STK32A: variants seen among roughly 807,000 people sequenced by gnomAD.
The protein encoded by STK32A is serine/threonine-protein kinase 32A.
A neutral mutation model predicts 53.2 loss-of-function variants in STK32A; 41 were observed. That is an observed-to-expected ratio of 0.77 (90% CI 0.60 to 1.00). The LOEUF (loss-of-function observed/expected upper bound fraction) is 1.00, where lower values mean the gene tolerates loss of function less well. Ranked by LOEUF, STK32A falls within the 50% of genes least tolerant of loss-of-function variation. The pLI is 0.00. For missense variants in STK32A, 458 were observed against 485.8 expected (o/e 0.94, Z 0.54); for synonymous variants, 166 against 162.8 (o/e 1.02, Z -0.15).
chr5:147,394,157 A>C, the STK32A span: 1 of 1,609,352 alleles, frequency 6.2e-7, no homozygotes, highest in Non-Finnish European at 8.5e-7. Context: ...GGGGGAAAAA[A>C]AAAACAGAGT....
intron 2 of STK32A, among the ~76,000 whole-genome samples, chr5:147,246,071 C>T (rs1753758540): frequency 6.6e-6 from 1 of 152,204 alleles, no homozygotes; most frequent in Non-Finnish European, 1.5e-5. Context: ...TTCCGACTTT[C>T]CCTTAGCAGC....
chr5:147,268,438 T>A lies in STK32A; in HGVS notation c.53-9686T>A, dbSNP rs74328345. Among the ~76,000 whole-genome samples the A allele has an allele frequency of 9.2e-4, 139 of 151,768 alleles. 3 individuals are homozygous for A. In the East Asian group the frequency reaches 0.024, roughly 27 times the overall value. Reference sequence around the variant, plus strand: ...AGCACTGCTTATATCACTTGGAACTTGAATCTATTTTGGTAAAAAAAAAGT... The same window carrying A: ...AGCACTGCTTATATCACTTGGAACTAGAATCTATTTTGGTAAAAAAAAAGT... On this transcript the variant is annotated intron_variant, in intron 2 of 12. Coordinates refer to ENST00000397936, the MANE Select transcript of STK32A (RefSeq NM_001112724.2).
At position 147,279,242 on chromosome 5, in the gene STK32A, A is replaced by T; in HGVS notation, c.109-5A>T. The T allele has an allele frequency of 6.2e-7, 1 of 1,607,662 alleles. No individual in the cohort carries two copies. Among genetic ancestry groups the T allele is most frequent in the Non-Finnish European group, 8.5e-7 (1 of 1,175,434 alleles). On this transcript the variant is annotated splice_region_variant and splice_polypyrimidine_tract_variant and intron_variant, in intron 3 of 12. Coordinates refer to ENST00000397936, the MANE Select transcript of STK32A (RefSeq NM_001112724.2). ...TCACTCTCTCACTCGGGTTTTCACC[A>T]TTAGGTCTGCATTGTACAGAAGAAT... is the stretch of plus-strand genomic sequence containing the variant.
Position 147,243,181 on chromosome 5 carries a change from A to G in STK32A, c.52+3495A>G. On this transcript the variant is annotated intron_variant, in intron 2 of 12. Coordinates refer to ENST00000397936, the MANE Select transcript of STK32A (RefSeq NM_001112724.2). ...TTCTTCAAACTGTTTAATATTTCCA[A>G]TATATAGATATGAGAAAAACATTTA... Among the ~76,000 whole-genome samples the G allele has an allele frequency of 3.0e-5, 2 of 66,248 alleles. 1 individual carries two copies. Among genetic ancestry groups the G allele is most frequent in the Non-Finnish European group, 6.8e-5 (2 of 29,536 alleles). 43.5% of individuals were successfully genotyped at this position (66,248 alleles called of 152,430 possible).
At chr5:147,283,006 G>T (rs889458993) in intron 4 of STK32A, among the ~76,000 whole-genome samples, 5 of 152,122 alleles carry the variant, frequency 3.3e-5, no homozygotes, top group Admixed American at 2.0e-4. Context: ...CTATTCAACA[G>T]AGCATGGAAG....
intron 6 of STK32A, among the ~76,000 whole-genome samples, chr5:147,344,515 G>A (rs1014998819): frequency 5.9e-5 from 9 of 152,230 alleles, no homozygotes; most frequent in African/African-American, 1.2e-4. Context: ...GCAGGCACCT[G>A]TAGTATCAGC....
At chr5:147,278,012 C>A in intron 2 of STK32A, 112 bp from the exon 3 acceptor site, 1 of 891,648 alleles carries the variant, frequency 1.1e-6, no homozygotes, top group Non-Finnish European at 1.8e-6. Flanking sequence ...TTAAGGTAGT[C>A]TGAGATCATG....
intron 2 of STK32A, 66 bp from the exon 3 acceptor site, chr5:147,278,058 A>T: frequency 3.7e-6 from 5 of 1,351,348 alleles, no homozygotes; most frequent in South Asian, 1.3e-5. Flanking sequence ...TCCAATCTTT[A>T]TTATTTATTA....
At chr5:147,256,117 C>T (rs1754225049) in intron 2 of STK32A, among the ~76,000 whole-genome samples, 1 of 152,182 alleles carries the variant, frequency 6.6e-6, no homozygotes, top group East Asian at 1.9e-4. Flanking sequence ...CACATCCGCT[C>T]GGGGATGAAT....
At chr5:147,341,292 AGAGAGTATTT>A (rs780867920) in intron 5 of STK32A, among the ~76,000 whole-genome samples, 17 of 152,198 alleles carry the variant, frequency 1.1e-4, no homozygotes, top group Non-Finnish European at 1.9e-4. Context: ...TTTATGGTGC[AGAGAGTATTT>A]GATGGTGTGC....
the STK32A span, among the ~76,000 whole-genome samples, chr5:147,394,610 T>C: frequency 6.9e-6 from 1 of 145,964 alleles, no homozygotes; most frequent in Non-Finnish European, 1.5e-5. Context: ...GAAATTTCAA[T>C]GTGTGCTTGG....
intron 10 of STK32A, 121 bp from the exon 11 acceptor site, chr5:147,374,969 T>A: frequency 2.8e-6 from 2 of 704,748 alleles, no homozygotes; most frequent in South Asian, 1.0e-4. Flanking sequence ...AGAGTGGGAA[T>A]CCCAGTGTAT....
the STK32A span, among the ~76,000 whole-genome samples, chr5:147,398,772 G>C: frequency 6.6e-6 from 1 of 152,156 alleles, no homozygotes; most frequent in Non-Finnish European, 1.5e-5. Context: ...ACATCTAGGG[G>C]AAGCTTTCAG....
intron 1 of STK32A, among the ~76,000 whole-genome samples, chr5:147,238,226 T>A (rs1451922948): frequency 3.3e-5 from 5 of 152,264 alleles, no homozygotes; most frequent in Admixed American, 1.3e-4. Context: ...CATGTTTCCA[T>A]GTGGTGACAA....
chr5:147,275,857 A>G (rs970056637), intron 2 of STK32A, among the ~76,000 whole-genome samples: 1 of 152,162 alleles, frequency 6.6e-6, no homozygotes, highest in Non-Finnish European at 1.5e-5. Context: ...CAGGATCCTG[A>G]CATGTAATCC....
At chr5:147,278,233 C>T in intron 3 of STK32A, 54 bp downstream of exon 3, 1 of 1,421,786 alleles carries the variant, frequency 7.0e-7, no homozygotes, top group Non-Finnish European at 9.8e-7. Flanking sequence ...GCCCAGGGAA[C>T]AGAGGGTCCA....
intron 4 of STK32A, among the ~76,000 whole-genome samples, chr5:147,289,975 T>C (rs1581045799): frequency 6.6e-6 from 1 of 152,218 alleles, no homozygotes; most frequent in African/African-American, 2.4e-5. Context: ...CAATAATTTT[T>C]AGTATATGGC....
At position 147,323,915 on chromosome 5, in the gene STK32A, A is replaced by G. The variant is rs1420097208; in HGVS notation, c.278A>G (p.Glu93Gly). 7 of 1,612,998 alleles carry G rather than the reference A, an allele frequency of 4.3e-6. No individual in the cohort carries two copies. The highest frequency in any genetic ancestry group is 5.1e-6 in the Non-Finnish European group (6 of 1,179,556). ...LVNLWYSFQDEEDMFMVVDLL... is the reference protein window; with the variant it reads ...LVNLWYSFQDGEDMFMVVDLL... ...AATTCCAGGTATTCCTTCCAAGATGAGGAAGACATGTTCATGGTGGTGGAC... is the reference window on the plus strand; with the variant it reads ...AATTCCAGGTATTCCTTCCAAGATGGGGAAGACATGTTCATGGTGGTGGAC... The change falls in exon 5 of 13, where the codon GAG (glutamate) becomes GGG (glycine). Residue 93 changes from glutamate (E) to glycine (G), a missense_variant. Glu to Gly is a moderately conservative substitution (Grantham distance 98, BLOSUM62 -2). Coordinates refer to ENST00000397936, the MANE Select transcript of STK32A (RefSeq NM_001112724.2).
intron 4 of STK32A, among the ~76,000 whole-genome samples, chr5:147,308,840 T>C (rs1753551847): frequency 6.6e-6 from 1 of 151,804 alleles, no homozygotes; most frequent in Non-Finnish European, 1.5e-5. Flanking sequence ...TAAAGCAATC[T>C]TGATTTCCAA....
Sources: allele counts gnomAD v4.1 joint callset (sites outside exome capture counted in the v4.1 genomes callset), GRCh38; gene constraint gnomAD v4.1.1; transcripts MANE v1.5; gene names NCBI Gene and HGNC (gene_info 2026-07-23, HGNC 2026-07-21).